SPC25: variants seen among roughly 807,000 people sequenced by gnomAD.
SPC25 encodes SPC25 component of NDC80 kinetochore complex.
SPC25 carries 22 observed loss-of-function variants against 29.6 expected under a neutral mutation model. The observed-to-expected ratio is 0.74, with a 90% CI of 0.53 to 1.06. The LOEUF (loss-of-function observed/expected upper bound fraction) is 1.06, where lower values mean the gene tolerates loss of function less well. Ranked by LOEUF, SPC25 falls within the 50% of genes least tolerant of loss-of-function variation. The probability of loss-of-function intolerance (pLI) is 0.00; values close to 1 mark genes in which losing one functional copy is unlikely to be tolerated. For synonymous variants in SPC25, 91 were observed against 90.4 expected (o/e 1.01, Z -0.04); for missense variants, 230 against 255.8 (o/e 0.90, Z 0.69).
chr2:168,862,305 T>C (rs892995620), intron 4 of SPC25, among the ~76,000 whole-genome samples: 2 of 152,230 alleles, frequency 1.3e-5, no homozygotes, highest in African/African-American at 4.8e-5. Context: ...GAGGGTTTTA[T>C]TGGTATTCCC....
At chr2:168,875,759 A>G (rs1326000482) in intron 5 of SPC25, among the ~76,000 whole-genome samples, 1 of 152,088 alleles carries the variant, frequency 6.6e-6, no homozygotes, top group Non-Finnish European at 1.5e-5. Flanking sequence ...TTATTACATC[A>G]CTACTTAAAA....
At chr2:168,878,375 G>A (rs1690123654) in intron 3 of SPC25, among the ~76,000 whole-genome samples, 1 of 152,168 alleles carries the variant, frequency 6.6e-6, no homozygotes, top group Admixed American at 6.6e-5. Context: ...CATTTCATAT[G>A]AATTCAGCAT....
chr2:168,878,583 A>G (rs908396342), intron 3 of SPC25, among the ~76,000 whole-genome samples: 1 of 152,232 alleles, frequency 6.6e-6, no homozygotes, highest in East Asian at 1.9e-4. Context: ...CTATAAGGAA[A>G]AAACAAGAAC....
chr2:168,868,017 G>C (rs1191593768), downstream of SPC25, among the ~76,000 whole-genome samples: 13 of 151,766 alleles, frequency 8.6e-5, no homozygotes, highest in African/African-American at 2.7e-4. Context: ...TCAGACCACA[G>C]TGCAACCAAA....
chr2:168,882,624 A>AACAG (rs1553538974), intron 3 of SPC25, among the ~76,000 whole-genome samples: 2 of 151,952 alleles, frequency 1.3e-5, no homozygotes, highest in Non-Finnish European at 2.9e-5. Context: ...TAAATAAATA[A>AACAG]ACAGACAGAC....
intron 4 of SPC25, among the ~76,000 whole-genome samples, chr2:168,865,723 A>C (rs1003743619): frequency 2.6e-5 from 4 of 152,186 alleles, no homozygotes; most frequent in Non-Finnish European, 5.9e-5. Context: ...AGAAAACCCC[A>C]CTGTCTCAGC....
chr2:168,863,336 A>C, intron 4 of SPC25: 5 of 884,268 alleles, frequency 5.7e-6, no homozygotes, highest in Non-Finnish European at 6.8e-6. Flanking sequence ...AAGAAAATGT[A>C]GAAAAGATAG....
At chr2:168,886,102 G>A (rs1406760990) in intron 3 of SPC25, among the ~76,000 whole-genome samples, 3 of 145,144 alleles carry the variant, frequency 2.1e-5, no homozygotes, top group Non-Finnish European at 4.5e-5. Context: ...CGCCCAGGCT[G>A]GAGTGAAGTG....
At chr2:168,861,697 G>T (rs1210056910) in intron 4 of SPC25, among the ~76,000 whole-genome samples, 1 of 152,126 alleles carries the variant, frequency 6.6e-6, no homozygotes, top group Non-Finnish European at 1.5e-5. Flanking sequence ...ATTATACAAT[G>T]ATGTTTTTCT....
chr2:168,886,531 T>G (rs1032364251), intron 3 of SPC25, among the ~76,000 whole-genome samples: 3 of 151,858 alleles, frequency 2.0e-5, no homozygotes, highest in Non-Finnish European at 2.9e-5. Context: ...TTTCTTTTTT[T>G]TTTTTTGAGA....
chr2:168,869,740 C>T (rs529145977), downstream of SPC25, among the ~76,000 whole-genome samples: 1 of 151,994 alleles, frequency 6.6e-6, no homozygotes, highest in Non-Finnish European at 1.5e-5. Flanking sequence ...TTCCATGCTC[C>T]TGGGTAGGAA....
chr2:168,875,856 A>G (rs1157661974), intron 5 of SPC25, among the ~76,000 whole-genome samples: 1 of 152,148 alleles, frequency 6.6e-6, no homozygotes, highest in Non-Finnish European at 1.5e-5. Flanking sequence ...CATGTTGACA[A>G]TCATGCCAAA....
intron 4 of SPC25, 103 bp downstream of exon 4, chr2:168,877,135 A>T (rs1340918738): frequency 3.9e-6 from 5 of 1,285,956 alleles, no homozygotes; most frequent in Non-Finnish European, 5.4e-6. Context: ...GGGTACTGTA[A>T]TCCATTTTTA....
At chr2:168,862,120 T>A (rs1689495852) in intron 4 of SPC25, 2 of 1,374,130 alleles carry the variant, frequency 1.5e-6, no homozygotes, top group East Asian at 4.6e-5. Flanking sequence ...AAACCCTGTC[T>A]TAGTGTGGCA....
At chr2:168,861,910 T>G (rs751256103) in intron 4 of SPC25, 1 of 1,532,578 alleles carries the variant, frequency 6.5e-7, no homozygotes, top group Non-Finnish European at 9.0e-7. Flanking sequence ...TCAGCTCATA[T>G]TCATTTGCCT....
chr2:168,877,450 CAA>C, intron 3 of SPC25, 66 bp from the exon 4 acceptor site: 1 of 1,541,910 alleles, frequency 6.5e-7, no homozygotes, highest in Non-Finnish European at 8.8e-7. Flanking sequence ...AAGAAAAGGC[CAA>C]AGTTTACTGA....
Position 168,889,174 on chromosome 2 carries a change from A to C in SPC25, c.199+52T>G, listed in dbSNP as rs1690347116. ...TCTTACTTGTATGAGAGATTTCATGATAAAGATGTTTTATCTAAAAAAAAC... is the reference window on the plus strand; with the variant it reads ...TCTTACTTGTATGAGAGATTTCATGCTAAAGATGTTTTATCTAAAAAAAAC... On this transcript the variant is annotated intron_variant, in intron 3 of 6. Coordinates refer to ENST00000282074, the MANE Select transcript of SPC25 (RefSeq NM_020675.4). 3 of 1,506,676 alleles carry C rather than the reference A, an allele frequency of 2.0e-6. No homozygotes were observed. In the East Asian group the frequency reaches 6.8e-5, roughly 34 times the overall value. The allele number at this position is 1,506,676 out of a possible 1,614,324, so 93.3% of individuals were successfully genotyped here.
In SPC25 at chr2:168,877,272, C is replaced by A; in HGVS notation, c.312G>T (p.Gln104His). Residue 104 changes from glutamine (Q) to histidine (H), a missense_variant, in exon 4 of 7, where the codon CAG becomes CAT. Coordinates refer to ENST00000282074, the MANE Select transcript of SPC25 (RefSeq NM_020675.4). ...TCCTAGAATATTCTTCCTTAAGATC[C>A]TGGATATTTGCAGTCAGTACTTCCA... is the stretch of plus-strand genomic sequence containing the variant. Reference protein sequence around the residue: ...QELEVLTANIQDLKEEYSRKK... With the variant: ...QELEVLTANIHDLKEEYSRKK... 6.2e-7 allele frequency: 1 copy of A among 1,613,610 alleles called. No individual in the cohort carries two copies. The highest frequency in any genetic ancestry group is 8.5e-7 in the Non-Finnish European group (1 of 1,179,784).
At chr2:168,889,116 A>G in intron 3 of SPC25, 110 bp downstream of exon 3, 1 of 724,532 alleles carries the variant, frequency 1.4e-6, no homozygotes, top group Non-Finnish European at 2.2e-6. Context: ...CACACACACA[A>G]CATATACACA....
Sources: allele counts gnomAD v4.1 joint callset (sites outside exome capture counted in the v4.1 genomes callset), GRCh38; gene constraint gnomAD v4.1.1; transcripts MANE v1.5; gene names NCBI Gene and HGNC (gene_info 2026-07-23, HGNC 2026-07-21).